ZGPAT: variants seen among roughly 807,000 people sequenced by gnomAD.
ZGPAT encodes the protein zinc finger CCCH-type and G-patch domain containing, also known as zinc finger CCCH-type with G patch domain-containing protein.
A neutral mutation model predicts 47.9 loss-of-function variants in ZGPAT; 39 were observed. That is an observed-to-expected ratio of 0.81 (90% CI 0.63 to 1.06). The LOEUF (loss-of-function observed/expected upper bound fraction) is 1.06, where lower values mean the gene tolerates loss of function less well. ZGPAT is among the 50% of genes least tolerant of loss of function. The probability of loss-of-function intolerance (pLI) is 0.00; values close to 1 mark genes in which losing one functional copy is unlikely to be tolerated. For synonymous variants in ZGPAT, 348 were observed against 292.9 expected (o/e 1.19, Z -1.92); for missense variants, 717 against 681.4 (o/e 1.05, Z -0.58).
At chr20:63,729,988 TCAGCCTGGGCAAGAGAGCAAGA>T (rs2091880179) in intron 2 of ZGPAT, 1 of 146,728 alleles carries the variant, frequency 6.8e-6, no homozygotes, top group African/African-American at 2.6e-5. Flanking sequence ...ACCATGCACT[TCAGCCTGGGCAAGAGAGCAAGA>T]CTCTACTGCG....
chr20:63,730,020 G>GACACACACACACACACACACACACACA (rs1568796806), intron 2 of ZGPAT: 2 of 151,224 alleles, frequency 1.3e-5, no homozygotes, highest in African/African-American at 4.9e-5. Flanking sequence ...ACTCTACTGC[G>GACACACACACACACACACACACACACA]CACACACACA....
intron 2 of ZGPAT, among the ~76,000 whole-genome samples, chr20:63,732,688 GTA>G (rs1491238394): frequency 7.3e-5 from 11 of 151,616 alleles, no homozygotes; most frequent in African/African-American, 1.2e-4. Context: ...GTGCATGTGT[GTA>G]TGCATGTGTA....
intron 2 of ZGPAT, among the ~76,000 whole-genome samples, chr20:63,716,278 C>T (rs1000061453): frequency 1.5e-4 from 23 of 152,200 alleles, no homozygotes; most frequent in Non-Finnish European, 2.6e-4. Context: ...GATCCACCCG[C>T]CTCGGCCTCA....
At chr20:63,710,908 C>G (rs547584430) in intron 2 of ZGPAT, among the ~76,000 whole-genome samples, 1 of 152,216 alleles carries the variant, frequency 6.6e-6, no homozygotes, top group East Asian at 1.9e-4. Flanking sequence ...CTCCTTTTTA[C>G]TTTTCTCTTA....
intron 4 of ZGPAT, 156 bp from the exon 5 acceptor site, chr20:63,734,541 TGTCGTGGC>T: frequency 1.5e-6 from 2 of 1,341,354 alleles, no homozygotes; most frequent in South Asian, 1.4e-5. Flanking sequence ...AGAGGTGGGG[TGTCGTGGC>T]TCTGCCCAGG....
chr20:63,716,241 G>C (rs965268036), intron 2 of ZGPAT, among the ~76,000 whole-genome samples: 1 of 152,170 alleles, frequency 6.6e-6, no homozygotes, highest in African/African-American at 2.4e-5. Flanking sequence ...TGTTGGCCAG[G>C]CTGGTCTCGA....
chr20:63,735,806 CAGG>C lies in ZGPAT; in HGVS notation c.1426_1428del (p.Glu476del). The C allele has an allele frequency of 6.2e-7, 1 of 1,610,582 alleles. No homozygotes were observed. The highest frequency in any genetic ancestry group is 8.5e-7 in the Non-Finnish European group (1 of 1,178,966). On this transcript the variant is annotated inframe_deletion, in exon 7 of 7. Coordinates refer to ENST00000355969, the MANE Select transcript of ZGPAT (RefSeq NM_181485.3). Reference sequence around the variant, plus strand: ...GCATAGCGTGGCGTCAGCCCAGCTGCAGGAGAAGCTGGCAGGAGCCCAGCGCCA... The same window carrying C: ...GCATAGCGTGGCGTCAGCCCAGCTGCAGAAGCTGGCAGGAGCCCAGCGCCA...
intron 2 of ZGPAT, among the ~76,000 whole-genome samples, 183 bp downstream of exon 2, chr20:63,709,347 A>G (rs552062231): frequency 1.3e-5 from 2 of 152,310 alleles, no homozygotes; most frequent in East Asian, 3.9e-4. Context: ...ATCAAGAAGC[A>G]TGGAAGGAGG....
intron 2 of ZGPAT, among the ~76,000 whole-genome samples, chr20:63,727,228 AT>A (rs11476997): frequency 0.74 from 103,355 of 140,078 alleles, 36,385 homozygotes; most frequent in South Asian, 0.79. Flanking sequence ...TTTCCATTTG[AT>A]TTTTTTTTTT....
chr20:63,727,259 TAGAC>T (rs2091855124), intron 2 of ZGPAT, among the ~76,000 whole-genome samples: 1 of 151,090 alleles, frequency 6.6e-6, no homozygotes, highest in South Asian at 2.1e-4. Flanking sequence ...TTTTTTTTTT[TAGAC>T]AGAGTCTGCC....
chr20:63,711,398 A>G (rs1164742193), intron 2 of ZGPAT, among the ~76,000 whole-genome samples: 2 of 152,146 alleles, frequency 1.3e-5, no homozygotes, highest in Admixed American at 1.3e-4. Context: ...AGAGGAGGAA[A>G]CAGGAGTAGA....
chr20:63,708,635 C>T lies in ZGPAT; in HGVS notation c.55C>T (p.Gln19Ter). 1.2e-6 allele frequency: 2 copies of T among 1,611,882 alleles called. No individual in the cohort carries two copies. Among genetic ancestry groups the T allele is most frequent in the Non-Finnish European group, 1.7e-6 (2 of 1,179,292 alleles). Reference sequence around the variant, plus strand: ...GCAGACCTACCGTGCGCAGCTGCAGCAGGTGGAGCTGGCCTTGGGCGCCGG... The same window carrying T: ...GCAGACCTACCGTGCGCAGCTGCAGTAGGTGGAGCTGGCCTTGGGCGCCGG... ...ALQTYRAQLQ[Q>*]VELALGAGLD... Residue 19 changes from glutamine to a stop codon, truncating the protein, a stop_gained, in exon 2 of 7, where the codon CAG (glutamine) becomes TAG (stop). Transcript: ENST00000355969. LOFTEE classifies it high-confidence loss of function.
intron 2 of ZGPAT, among the ~76,000 whole-genome samples, chr20:63,727,557 G>A (rs530630303): frequency 9.2e-5 from 14 of 151,602 alleles, no homozygotes; most frequent in African/African-American, 3.4e-4. Flanking sequence ...TGTAGTCCCA[G>A]CTACTCCAGA....
intron 4 of ZGPAT, chr20:63,734,476 C>T (rs2091956360): frequency 1.3e-6 from 1 of 787,650 alleles, no homozygotes; most frequent in South Asian, 1.8e-5. Flanking sequence ...CTGCCATGCA[C>T]TCTGCCTGGT....
chr20:63,734,577 A>G, intron 4 of ZGPAT, 128 bp from the exon 5 acceptor site: 3 of 1,514,580 alleles, frequency 2.0e-6, no homozygotes, highest in Non-Finnish European at 2.7e-6. Flanking sequence ...CTCATTGGTC[A>G]AAGCCCGGGT....
chr20:63,708,946 GGGA>G lies in ZGPAT; in HGVS notation c.368_370del (p.Gly123del). On this transcript the variant is annotated inframe_deletion, in exon 2 of 7. Transcript: ENST00000355969. ...CGGCAGGTGGGCAGGAGGAGGAAGAGGGAGAGGACGAGGAAGAGCTGAGTGGGA... is the reference window on the plus strand; with the variant it reads ...CGGCAGGTGGGCAGGAGGAGGAAGAGGAGGACGAGGAAGAGCTGAGTGGGA... The G allele has an allele frequency of 6.2e-7, 1 of 1,613,242 alleles. No individual in the cohort carries two copies. The highest frequency in any genetic ancestry group is 8.5e-7 in the Non-Finnish European group (1 of 1,179,990).
In ZGPAT at chr20:63,709,130, C is replaced by A. The variant is rs775466771; in HGVS notation, c.550C>A (p.Leu184Met). The change falls in exon 2 of 7, where the codon CTG becomes ATG. Residue 184 changes from leucine (L) to methionine (M), a missense_variant. Physicochemically the swap from Leu to Met is conservative, Grantham distance 15 (BLOSUM62 2). Transcript: ENST00000355969. ...HKSLKPCPFF[L>M]EGKCRFKENC... ...GTCTCTGAAGCCGTGCCCGTTCTTC[C>A]TGGAGGGAAAGTGCCGCTTTAAGGA... 1.2e-6 allele frequency: 2 copies of A among 1,612,536 alleles called. No individual in the cohort carries two copies. The highest frequency in any genetic ancestry group is 8.5e-7 in the Non-Finnish European group (1 of 1,180,006).
intron 2 of ZGPAT, among the ~76,000 whole-genome samples, chr20:63,711,619 A>G (rs1282895780): frequency 1.3e-5 from 2 of 148,602 alleles, no homozygotes; most frequent in African/African-American, 5.0e-5. Context: ...TTTTTTTAAG[A>G]TGGAGTTTCA....
chr20:63,713,698 C>T (rs192854585), intron 2 of ZGPAT, among the ~76,000 whole-genome samples: 38 of 151,202 alleles, frequency 2.5e-4, no homozygotes, highest in African/African-American at 8.9e-4. Flanking sequence ...TGGTGAAATC[C>T]AGCCTCTATT....
Sources: gnomAD v4.1 joint callset for allele counts (sites outside exome capture counted in the v4.1 genomes callset) on GRCh38, gnomAD v4.1.1 for gene constraint, MANE v1.5 for transcripts, NCBI Gene and HGNC (gene_info 2026-07-23, HGNC 2026-07-21) for gene names.